CCKBR: variants seen among roughly 807,000 people sequenced by gnomAD.
CCKBR encodes gastrin/cholecystokinin type B receptor.
In CCKBR, 33 loss-of-function variants were observed where a neutral mutation model predicts 34.6. The ratio of observed to expected loss-of-function variants is 0.95; its 90% CI spans 0.72 to 1.27. The LOEUF is 1.27. Ranked by LOEUF, CCKBR falls within the 50% of genes most tolerant of loss-of-function variation. The pLI is 0.00. For missense variants in CCKBR, 652 were observed against 617.4 expected (o/e 1.06, Z -0.59); for synonymous variants, 269 against 267.5 (o/e 1.01, Z -0.06).
chr11:6,268,973 A>C (rs1366693480), intron 1 of CCKBR, among the ~76,000 whole-genome samples: 1 of 151,858 alleles, frequency 6.6e-6, no homozygotes, highest in African/African-American at 2.4e-5. Flanking sequence ...GGTCTGAGAA[A>C]CCAGCTTGAG....
At chr11:6,263,934 T>C (rs949473438) in intron 1 of CCKBR, among the ~76,000 whole-genome samples, 2 of 152,262 alleles carry the variant, frequency 1.3e-5, no homozygotes, top group African/African-American at 4.8e-5. Flanking sequence ...CTATGCTTCC[T>C]GAAGATGTTA....
At chr11:6,262,701 AG>A (rs1848152768) in intron 1 of CCKBR, among the ~76,000 whole-genome samples, 1 of 142,388 alleles carries the variant, frequency 7.0e-6, no homozygotes, top group Non-Finnish European at 1.5e-5. Flanking sequence ...AGAGAGAGAG[AG>A]AGAGAGAGAG....
chr11:6,265,281 C>T (rs918828614), intron 1 of CCKBR, among the ~76,000 whole-genome samples: 7 of 152,174 alleles, frequency 4.6e-5, no homozygotes, highest in African/African-American at 1.7e-4. Flanking sequence ...TTTACTGGGA[C>T]TTTGTCTTAT....
chr11:6,264,205 G>A (rs924094966), intron 1 of CCKBR, among the ~76,000 whole-genome samples: 7 of 152,110 alleles, frequency 4.6e-5, no homozygotes, highest in Non-Finnish European at 8.8e-5. Context: ...TATTACTTCT[G>A]CTCCCTCAGT....
At chr11:6,266,974 T>C (rs1848218777) in intron 1 of CCKBR, among the ~76,000 whole-genome samples, 1 of 152,224 alleles carries the variant, frequency 6.6e-6, no homozygotes, top group South Asian at 2.1e-4. Flanking sequence ...TATGTATTTG[T>C]GTATCTAAAC....
At chr11:6,261,126 A>G (rs188159418) in intron 1 of CCKBR, among the ~76,000 whole-genome samples, 15 of 152,208 alleles carry the variant, frequency 9.9e-5, no homozygotes, top group African/African-American at 3.4e-4. Flanking sequence ...GTTGTTACAC[A>G]CTCACACTTG....
chr11:6,271,823 C>T lies in CCKBR; in HGVS notation c.*280C>T. The T allele has an allele frequency of 4.7e-6, 2 of 421,634 alleles. No homozygotes were observed. Among genetic ancestry groups the T allele is most frequent in the Non-Finnish European group, 8.4e-6 (2 of 236,940 alleles). The allele number at this position is 421,634 out of a possible 1,614,324, so 26.1% of individuals were successfully genotyped here. Reference sequence around the variant, plus strand: ...CGTCCCTAGCAGTGAACTATTTCTACACAGTGGGAACTCTGACAAGGGCTG... The same window carrying T: ...CGTCCCTAGCAGTGAACTATTTCTATACAGTGGGAACTCTGACAAGGGCTG... On this transcript the variant is annotated 3_prime_UTR_variant, in exon 5 of 5. Transcript: ENST00000334619.
intron 1 of CCKBR, among the ~76,000 whole-genome samples, chr11:6,261,833 G>A (rs1339075773): frequency 6.6e-6 from 1 of 152,158 alleles, no homozygotes; most frequent in African/African-American, 2.4e-5. Context: ...ATGGAAGGCA[G>A]GGGGATACTT....
chr11:6,259,979 G>T lies in CCKBR; in HGVS notation c.51G>T (p.Pro17=). 1 of 1,561,610 alleles carries T rather than the reference G, an allele frequency of 6.4e-7. No homozygotes were observed. The highest frequency in any genetic ancestry group is 8.6e-7 in the Non-Finnish European group (1 of 1,157,742). The change falls in exon 1 of 5, where the codon CCG becomes CCT. Residue 17 remains proline, a synonymous_variant. Coordinates refer to ENST00000334619, the MANE Select transcript of CCKBR (RefSeq NM_176875.4). ...GCGTGCAGGGAACCGGACCCGGGCC[G>T]GGGGCTTCCCTGTGCCGCCCGGGGG... is the stretch of plus-strand genomic sequence containing the variant. ...NRSVQGTGPG[P]GASLCRPGAP...
intron 1 of CCKBR, among the ~76,000 whole-genome samples, chr11:6,266,128 A>G (rs1324711322): frequency 1.3e-5 from 2 of 152,124 alleles, no homozygotes; most frequent in Non-Finnish European, 2.9e-5. Flanking sequence ...ATACTAATAC[A>G]GTGAAAAATG....
chr11:6,268,616 C>A (rs963121899), intron 1 of CCKBR, among the ~76,000 whole-genome samples: 1 of 152,184 alleles, frequency 6.6e-6, no homozygotes, highest in African/African-American at 2.4e-5. Context: ...GAGTTTACTT[C>A]CCCACTGTGA....
intron 1 of CCKBR, 27 bp from the exon 2 acceptor site, chr11:6,269,642 C>T: frequency 1.2e-6 from 2 of 1,606,926 alleles, no homozygotes; most frequent in Non-Finnish European, 1.7e-6. Context: ...TGACCCCCTA[C>T]TGCCACCTCT....
intron 1 of CCKBR, among the ~76,000 whole-genome samples, chr11:6,261,950 T>A (rs1424203591): frequency 6.6e-6 from 1 of 152,144 alleles, no homozygotes. Flanking sequence ...GAGCCTCTTC[T>A]GGAAATGGAA....
chr11:6,271,086 A>C lies in CCKBR; in HGVS notation c.887A>C (p.Gln296Pro), dbSNP rs200339576. 1.9e-5 allele frequency: 31 copies of C among 1,614,160 alleles called. No homozygotes were observed. The Admixed American group carries it at 3.3e-4, about 17-fold the overall frequency. ...GAAGACAGCGATGGCTGCTACGTGCAACTTCCACGTTCCCGGCCTGCCCTG... is the reference window on the plus strand; with the variant it reads ...GAAGACAGCGATGGCTGCTACGTGCCACTTCCACGTTCCCGGCCTGCCCTG... ...VGEDSDGCYV[Q>P]LPRSRPALEL... Residue 296 changes from glutamine to proline, a missense_variant, in exon 5 of 5, where the codon CAA (glutamine) becomes CCA (proline). Transcript: ENST00000334619.
At chr11:6,264,757 A>C in intron 1 of CCKBR, 1 of 475,832 alleles carries the variant, frequency 2.1e-6, no homozygotes, top group Non-Finnish European at 3.7e-6. Context: ...ATACAAGTCT[A>C]AGTCTGATTT....
At chr11:6,268,689 G>C (rs1323284205) in intron 1 of CCKBR, among the ~76,000 whole-genome samples, 2 of 152,170 alleles carry the variant, frequency 1.3e-5, no homozygotes, top group Non-Finnish European at 2.9e-5. Context: ...AGCACAAAGG[G>C]AGTCCTCTGT....
chr11:6,268,380 A>C (rs569442310), intron 1 of CCKBR, among the ~76,000 whole-genome samples: 55 of 152,272 alleles, frequency 3.6e-4, no homozygotes, highest in African/African-American at 1.3e-3. Flanking sequence ...CTGAGGCCAT[A>C]GGTGTGAGTA....
intron 3 of CCKBR, 107 bp from the exon 4 acceptor site, chr11:6,270,536 CCTA>C: frequency 2.1e-6 from 3 of 1,414,156 alleles, no homozygotes; most frequent in Non-Finnish European, 2.9e-6. Context: ...AAATCCTACT[CCTA>C]CTTCAGGTAC....
intron 1 of CCKBR, among the ~76,000 whole-genome samples, chr11:6,268,804 A>C (rs182991499): frequency 6.6e-6 from 1 of 152,366 alleles, no homozygotes. Flanking sequence ...GGTCAGAGAA[A>C]GAGGAGAGTA....
Sources: allele counts gnomAD v4.1 joint callset (sites outside exome capture counted in the v4.1 genomes callset), GRCh38; gene constraint gnomAD v4.1.1; transcripts MANE v1.5; gene names NCBI Gene and HGNC (gene_info 2026-07-23, HGNC 2026-07-21).